CBFA2T2: variants seen among roughly 807,000 people sequenced by gnomAD.
CBFA2T2 encodes CBFA2/RUNX1 partner transcriptional co-repressor 2, also known as protein CBFA2T2.
A neutral mutation model predicts 62.2 loss-of-function variants in CBFA2T2; 11 were observed. That is an observed-to-expected ratio of 0.18 (90% CI 0.11 to 0.29). The LOEUF (loss-of-function observed/expected upper bound fraction) is 0.29, where lower values mean the gene tolerates loss of function less well. CBFA2T2 is among the 10% of genes least tolerant of loss of function. CBFA2T2 has a pLI of 1.00. For synonymous variants in CBFA2T2, 295 were observed against 287.5 expected (o/e 1.03, Z -0.27); for missense variants, 592 against 774.1 (o/e 0.76, Z 2.79).
At chr20:33,596,592 T>C (rs1020106929) in intron 1 of CBFA2T2, among the ~76,000 whole-genome samples, 2 of 152,166 alleles carry the variant, frequency 1.3e-5, no homozygotes, top group Non-Finnish European at 2.9e-5. Flanking sequence ...TCTTTCATGA[T>C]CTCTAAGAGT....
At chr20:33,642,126 G>A (rs997183033) in intron 10 of CBFA2T2, among the ~76,000 whole-genome samples, 1 of 99,286 alleles carries the variant, frequency 1.0e-5, no homozygotes, top group African/African-American at 4.5e-5. Flanking sequence ...TTGTGTGTGT[G>A]TGTGTGTGTG....
chr20:33,504,066 T>C (rs1482445650), intron 1 of CBFA2T2, among the ~76,000 whole-genome samples: 1 of 151,924 alleles, frequency 6.6e-6, no homozygotes, highest in Non-Finnish European at 1.5e-5. Context: ...TTTATGGGGG[T>C]TTTTGTTTGC....
intron 1 of CBFA2T2, among the ~76,000 whole-genome samples, chr20:33,520,611 A>T (rs760954990): frequency 6.6e-6 from 1 of 152,038 alleles, no homozygotes; most frequent in Non-Finnish European, 1.5e-5. Flanking sequence ...TCTCTACTAA[A>T]AATGCAAAAA....
rs983732432 is a variant in CBFA2T2, at chr20:33,522,577, T to A, written c.34+32276T>A. Reference sequence around the variant, plus strand: ...ACCCTGTTTGTTTAAAAAAAAAAAATTAAAAAAATAAAAATTTAGCTGGGC... The same window carrying A: ...ACCCTGTTTGTTTAAAAAAAAAAAAATAAAAAAATAAAAATTTAGCTGGGC... On this transcript the variant is annotated intron_variant, in intron 1 of 10. Transcript: ENST00000342704. 1.1e-4 allele frequency among the ~76,000 whole-genome samples: 16 copies of A among 151,446 alleles called. No individual in the cohort carries two copies. The East Asian group carries it at 1.2e-3, about 11-fold the overall frequency.
chr20:33,639,209 A>G (rs1171638581), intron 9 of CBFA2T2: 8 of 152,226 alleles, frequency 5.3e-5, no homozygotes, highest in Admixed American at 5.2e-4. Flanking sequence ...TCATTGCACC[A>G]GCCTCCCGGT....
In CBFA2T2 at chr20:33,607,054, A is replaced by G. The variant is rs936714567; in HGVS notation, c.133A>G (p.Ile45Val). The change falls in exon 2 of 11, where the codon ATA becomes GTA. Residue 45 changes from isoleucine (I) to valine (V), a missense_variant. Physicochemically the swap from Ile to Val is conservative, Grantham distance 29. This residue lies in a region of CBFA2T2 where 449 missense variants were observed against 551.2 expected (regional missense o/e 0.81). Transcript: ENST00000342704. Reference protein sequence around the residue: ...SPPTMPPLPPINPGGPRPVSF... With the variant: ...SPPTMPPLPPVNPGGPRPVSF... ...TCCCACCATGCCACCCCTCCCACCA[A>G]TAAATCCTGGAGGACCGAGGCCAGT... 1 of 1,613,944 alleles carries G rather than the reference A, an allele frequency of 6.2e-7. No homozygotes were observed. The highest frequency in any genetic ancestry group is 1.3e-5 in the African/African-American group (1 of 74,890).
chr20:33,583,403 GT>G (rs2014206421), intron 1 of CBFA2T2, among the ~76,000 whole-genome samples: 1 of 152,210 alleles, frequency 6.6e-6, no homozygotes, highest in Non-Finnish European at 1.5e-5. Flanking sequence ...GGTAGACTGA[GT>G]ATATGACTTT....
chr20:33,560,004 A>G (rs2013033199), intron 1 of CBFA2T2, among the ~76,000 whole-genome samples: 1 of 152,174 alleles, frequency 6.6e-6, no homozygotes, highest in African/African-American at 2.4e-5. Flanking sequence ...AATGCTATTT[A>G]GGATCCATAA....
intron 3 of CBFA2T2, among the ~76,000 whole-genome samples, chr20:33,616,536 G>T (rs1010868138): frequency 1.3e-5 from 2 of 152,064 alleles, no homozygotes; most frequent in African/African-American, 4.8e-5. Flanking sequence ...AGATCAGCCT[G>T]GTCAACATGG....
At chr20:33,544,343 C>T (rs1417159772) in intron 1 of CBFA2T2, among the ~76,000 whole-genome samples, 1 of 152,084 alleles carries the variant, frequency 6.6e-6, no homozygotes, top group Non-Finnish European at 1.5e-5. Flanking sequence ...TTTCACCTGT[C>T]CTGCTGCGGC....
intron 3 of CBFA2T2, among the ~76,000 whole-genome samples, chr20:33,613,837 A>G (rs1032960796): frequency 2.0e-5 from 3 of 152,224 alleles, no homozygotes; most frequent in African/African-American, 7.2e-5. Flanking sequence ...GCTTGAACAT[A>G]ATTGGAAACA....
rs181042855 is a variant in CBFA2T2 at position 33,594,407 on chromosome 20, A to C, written c.35-12549A>C. Among the ~76,000 whole-genome samples, 195 of 152,096 alleles carry C rather than the reference A, an allele frequency of 1.3e-3. 1 individual carries two copies. Among genetic ancestry groups the C allele is most frequent in the Non-Finnish European group, 1.3e-4 (9 of 67,998 alleles). ...TGTCTAATTTTTATGTTTTTAGTAG[A>C]GACAGGGTTTCACTGTGTTAGCCGG... is the stretch of plus-strand genomic sequence containing the variant. On this transcript the variant is annotated intron_variant, in intron 1 of 10. Coordinates refer to ENST00000342704, the MANE Select transcript of CBFA2T2 (RefSeq NM_001032999.3).
rs566955189 is a variant in CBFA2T2 at position 33,512,902 on chromosome 20, G to A, written c.34+22601G>A. Among the ~76,000 whole-genome samples the A allele has an allele frequency of 2.0e-5, 3 of 151,982 alleles. No homozygotes were observed. In the East Asian group the frequency reaches 5.8e-4, roughly 29 times the overall value. On this transcript the variant is annotated intron_variant, in intron 1 of 10. Transcript: ENST00000342704. Reference sequence around the variant, plus strand: ...CAAGTAGTTGGGACTACAGGCTCCTGCCACCAAGCCCAGCTAATTTTTTGT... The same window carrying A: ...CAAGTAGTTGGGACTACAGGCTCCTACCACCAAGCCCAGCTAATTTTTTGT...
At chr20:33,494,448 A>AT (rs2011178917) in intron 1 of CBFA2T2, among the ~76,000 whole-genome samples, 1 of 149,318 alleles carries the variant, frequency 6.7e-6, no homozygotes, top group Non-Finnish European at 1.5e-5. Context: ...CGCCTGGCTA[A>AT]TTTTTTGTAT....
chr20:33,637,679 T>G (rs1456222212), intron 9 of CBFA2T2, among the ~76,000 whole-genome samples: 1 of 152,088 alleles, frequency 6.6e-6, no homozygotes, highest in African/African-American at 2.4e-5. Flanking sequence ...CCTTTTTTTT[T>G]TTTTTGAGAT....
intron 1 of CBFA2T2, among the ~76,000 whole-genome samples, chr20:33,602,205 A>G (rs563706214): frequency 1.6e-4 from 25 of 152,140 alleles, no homozygotes; most frequent in Non-Finnish European, 3.2e-4. Context: ...GGTACCCTTC[A>G]TATAACCCTG....
intron 1 of CBFA2T2, among the ~76,000 whole-genome samples, chr20:33,560,362 A>C (rs2013040578): frequency 6.6e-6 from 1 of 152,342 alleles, no homozygotes; most frequent in South Asian, 2.1e-4. Context: ...GAATTCAGAC[A>C]ACCTGATGCT....
chr20:33,510,536 T>C (rs1185648876), intron 1 of CBFA2T2, among the ~76,000 whole-genome samples: 2 of 152,182 alleles, frequency 1.3e-5, no homozygotes, highest in Non-Finnish European at 2.9e-5. Context: ...AGTCTATCAT[T>C]GATGGACATT....
At chr20:33,610,642 C>T (rs898485304) in intron 2 of CBFA2T2, among the ~76,000 whole-genome samples, 2 of 152,162 alleles carry the variant, frequency 1.3e-5, no homozygotes, top group African/African-American at 4.8e-5. Flanking sequence ...ATTATCATAA[C>T]TCTTTTTTCT....
Sources: allele counts gnomAD v4.1 joint callset (sites outside exome capture counted in the v4.1 genomes callset), GRCh38; gene constraint gnomAD v4.1.1; regional missense constraint gnomAD v4.1.1; transcripts MANE v1.5; gene names NCBI Gene and HGNC (gene_info 2026-07-23, HGNC 2026-07-21).